GSE1: variants seen among roughly 807,000 people sequenced by gnomAD.
GSE1 encodes the protein genetic suppressor element 1.
GSE1 carries 32 observed loss-of-function variants against 112.6 expected under a neutral mutation model. That is an observed-to-expected ratio of 0.28 (90% CI 0.21 to 0.38). GSE1 has a LOEUF of 0.38. GSE1 is among the 10% of genes least tolerant of loss of function. The pLI is 1.00. For synonymous variants in GSE1, 1,115 were observed against 735.6 expected (o/e 1.52, Z -8.35); for missense variants, 2,348 against 1,699.2 (o/e 1.38, Z -6.71).
chr16:85,413,284 G>A (rs2048625600), intron 2 of GSE1, among the ~76,000 whole-genome samples: 1 of 152,184 alleles, frequency 6.6e-6, no homozygotes, highest in Admixed American at 6.5e-5. Context: ...GTGGGTTGAG[G>A]GTTGGGAAGC....
intron 1 of GSE1, among the ~76,000 whole-genome samples, chr16:85,340,210 T>C (rs7191386): frequency 0.73 from 110,399 of 152,036 alleles, 41,047 homozygotes; most frequent in African/African-American, 0.88. Context: ...ATTAGCCGGG[T>C]GTGGTGGCGT....
In GSE1 at chr16:85,584,569, A is replaced by G. The variant is rs1312876152; in HGVS notation, c.37+28206A>G. On this transcript the variant is annotated intron_variant, in intron 1 of 2. Transcript: ENST00000635906. ...AGCAGTAGGATCGGGGAGGTGGAGC[A>G]GTTTCCCCCACCCCTCCCTCTCCCC... Among the ~76,000 whole-genome samples, 4 of 152,324 alleles carry G rather than the reference A, an allele frequency of 2.6e-5. No individual in the cohort carries two copies. In the South Asian group the frequency reaches 8.3e-4, roughly 32 times the overall value.
intron 2 of GSE1, among the ~76,000 whole-genome samples, chr16:85,476,478 A>T (rs2050459466): frequency 6.6e-6 from 1 of 152,140 alleles, no homozygotes; most frequent in Non-Finnish European, 1.5e-5. Context: ...TCCGTGTATC[A>T]TGGCTTCATG....
At chr16:85,232,092 G>A (rs1281294547) in intron 1 of GSE1, among the ~76,000 whole-genome samples, 2 of 152,222 alleles carry the variant, frequency 1.3e-5, no homozygotes, top group African/African-American at 4.8e-5. Context: ...AGCAGCAAAA[G>A]CCTTCCTGGC....
At chr16:85,389,468 A>AT (rs964441436) in intron 2 of GSE1, among the ~76,000 whole-genome samples, 3 of 151,594 alleles carry the variant, frequency 2.0e-5, no homozygotes, top group Non-Finnish European at 4.4e-5. Flanking sequence ...TCCAAAAAAA[A>AT]AAAAAAAAAA....
intron 1 of GSE1, among the ~76,000 whole-genome samples, chr16:85,586,238 A>G (rs925017514): frequency 6.6e-6 from 1 of 152,202 alleles, no homozygotes; most frequent in Non-Finnish European, 1.5e-5. Flanking sequence ...TACATCTGCA[A>G]TTTCCAGATG....
At chr16:85,594,232 T>TGGGGGGGG (rs1567626522) in intron 1 of GSE1, 1 of 6,592 alleles carries the variant, frequency 1.5e-4, no homozygotes, top group Admixed American at 1.9e-3. Context: ...CCCTGGGGGG[T>TGGGGGGGG]TGGGGGGGGG....
At chr16:85,194,010 G>A (rs1406362755) in intron 1 of GSE1, among the ~76,000 whole-genome samples, 1 of 152,202 alleles carries the variant, frequency 6.6e-6, no homozygotes, top group Non-Finnish European at 1.5e-5. Flanking sequence ...TGTGTAGCCT[G>A]CTTCATTTTT....
intron 2 of GSE1, among the ~76,000 whole-genome samples, chr16:85,535,754 A>T (rs374614165): frequency 4.5e-4 from 69 of 152,334 alleles, no homozygotes; most frequent in African/African-American, 1.6e-3. Context: ...CTAGGCGCCA[A>T]TGGGAACCAT....
chr16:85,474,354 T>C (rs2050386665), intron 2 of GSE1, among the ~76,000 whole-genome samples: 1 of 152,104 alleles, frequency 6.6e-6, no homozygotes, highest in Admixed American at 6.5e-5. Context: ...CTCCTCCGCA[T>C]CCTGCCACGT....
At chr16:85,402,498 G>C (rs1293502622) in intron 2 of GSE1, among the ~76,000 whole-genome samples, 1 of 152,266 alleles carries the variant, frequency 6.6e-6, no homozygotes, top group Non-Finnish European at 1.5e-5. Flanking sequence ...CTGGAGATGG[G>C]AGAGTGGACC....
At position 85,560,357 on chromosome 16, in the gene GSE1, G is replaced by C. The variant is rs1030314490; in HGVS notation, c.37+3994G>C. Among the ~76,000 whole-genome samples, 15 of 152,082 alleles carry C rather than the reference G, an allele frequency of 9.9e-5. No homozygotes were observed. In the East Asian group the frequency reaches 2.9e-3, roughly 29 times the overall value. On this transcript the variant is annotated intron_variant, in intron 1 of 2. Coordinates refer to the GSE1 transcript ENST00000635906. ...TTACCATGTTAGCCAGGATGGTCTC[G>C]ATCTCTTGACCTGCCTTGGCCTCCC...
At chr16:85,476,695 A>G (rs1011545444) in intron 2 of GSE1, among the ~76,000 whole-genome samples, 8 of 151,774 alleles carry the variant, frequency 5.3e-5, no homozygotes, top group Admixed American at 5.3e-4. Context: ...GTTGACTGGC[A>G]CAATCACAGC....
intron 1 of GSE1, among the ~76,000 whole-genome samples, chr16:85,323,239 CT>C (rs1567687604): frequency 6.6e-6 from 1 of 152,154 alleles, no homozygotes; most frequent in African/African-American, 2.4e-5. Context: ...CGTTTTTGTG[CT>C]GTCTCCGGGT....
chr16:85,309,329 C>G (rs7206862), intron 1 of GSE1, among the ~76,000 whole-genome samples: 5,582 of 152,016 alleles, frequency 0.037, 338 homozygotes, highest in African/African-American at 0.12. Flanking sequence ...AGACCCCTAT[C>G]TCTACAAAAA....
At chr16:85,657,219 G>A (rs576515798) in intron 7 of GSE1, 58 bp from the exon 8 acceptor site, 2 of 1,201,940 alleles carry the variant, frequency 1.7e-6, no homozygotes. Context: ...AGAGGACGGG[G>A]AGGGAGCATG....
chr16:85,494,045 G>T (rs561963175), intron 2 of GSE1, among the ~76,000 whole-genome samples: 2 of 152,236 alleles, frequency 1.3e-5, no homozygotes, highest in African/African-American at 4.8e-5. Context: ...TTGCACTCCC[G>T]CCTGGGCGAT....
At chr16:85,331,323 CTGTG>C (rs71151278) in intron 1 of GSE1, among the ~76,000 whole-genome samples, 7,433 of 84,260 alleles carry the variant, frequency 0.088, 956 homozygotes, top group South Asian at 0.11. Context: ...CAGCTAATTT[CTGTG>C]TGTGTGTGTG....
chr16:85,655,003 C>A lies in GSE1; in HGVS notation c.797+12C>A, dbSNP rs865805598. 1.3e-6 allele frequency: 2 copies of A among 1,514,548 alleles called. No homozygotes were observed. Among genetic ancestry groups the A allele is most frequent in the Non-Finnish European group, 1.8e-6 (2 of 1,106,876 alleles). 93.8% of individuals were successfully genotyped at this position (1,514,548 alleles called of 1,614,324 possible). On this transcript the variant is annotated intron_variant, in intron 5 of 15. Coordinates refer to ENST00000253458, the MANE Select transcript of GSE1 (RefSeq NM_014615.5). ...CACCCGGCCTTCAGGTGAGGCATCC[C>A]CCACGCGCCCTCTCGTCTAGGTGCT...
Sources: allele counts gnomAD v4.1 joint callset (sites outside exome capture counted in the v4.1 genomes callset), GRCh38; gene constraint gnomAD v4.1.1; transcripts MANE v1.5; gene names NCBI Gene and HGNC (gene_info 2026-07-23, HGNC 2026-07-21).